The following SORCS3 variants were observed in gnomAD, a reference collection of about 807,000 sequenced individuals.
SORCS3 encodes VPS10 domain-containing receptor SorCS3.
SORCS3 carries 57 observed loss-of-function variants against 146.3 expected under a neutral mutation model. That is an observed-to-expected ratio of 0.39 (90% CI 0.31 to 0.49). The LOEUF (loss-of-function observed/expected upper bound fraction) is 0.49. Among genes scored for constraint, SORCS3 ranks in the 20% least tolerant of loss-of-function variants. The probability of loss-of-function intolerance (pLI) is 0.92; values close to 1 mark genes in which losing one functional copy is unlikely to be tolerated. For missense variants in SORCS3, 1,341 were observed against 1,575.5 expected (o/e 0.85, Z 2.52); for synonymous variants, 653 against 618.5 (o/e 1.06, Z -0.83).
At chr10:104,706,296 C>T (rs555522799) in intron 1 of SORCS3, among the ~76,000 whole-genome samples, 1 of 148,342 alleles carries the variant, frequency 6.7e-6, no homozygotes, top group East Asian at 2.0e-4. Flanking sequence ...CACCCTCTGC[C>T]TCCCGGGTTC....
At chr10:104,760,515 G>A (rs886700935) in intron 1 of SORCS3, among the ~76,000 whole-genome samples, 13 of 152,170 alleles carry the variant, frequency 8.5e-5, no homozygotes, top group African/African-American at 2.9e-4. Context: ...TTTTCTCAGA[G>A]AATACTGACT....
chr10:104,926,596 C>G (rs1317004391), intron 3 of SORCS3, among the ~76,000 whole-genome samples: 1 of 152,194 alleles, frequency 6.6e-6, no homozygotes, highest in African/African-American at 2.4e-5. Context: ...AAAGGAGAAT[C>G]AATGAGGGGG....
At chr10:104,853,371 A>G (rs1278028100) in intron 2 of SORCS3, among the ~76,000 whole-genome samples, 1 of 152,240 alleles carries the variant, frequency 6.6e-6, no homozygotes, top group African/African-American at 2.4e-5. Context: ...TCTATTCATA[A>G]AGGTTTTTGG....
chr10:105,078,176 GA>G (rs2055600985), intron 5 of SORCS3, among the ~76,000 whole-genome samples: 1 of 152,170 alleles, frequency 6.6e-6, no homozygotes, highest in African/African-American at 2.4e-5. Context: ...TTAAATGAAT[GA>G]AATCTGTTTC....
intron 1 of SORCS3, among the ~76,000 whole-genome samples, chr10:104,820,535 T>G (rs557250134): frequency 6.6e-6 from 1 of 152,338 alleles, no homozygotes; most frequent in South Asian, 2.1e-4. Context: ...AGATACTTTT[T>G]GAACACCTAC....
chr10:105,046,823 T>A (rs2055375639), intron 5 of SORCS3, among the ~76,000 whole-genome samples: 1 of 152,102 alleles, frequency 6.6e-6, no homozygotes. Context: ...CTTGTTTATA[T>A]GTGACCCTTC....
chr10:104,740,070 A>G (rs572245761), intron 1 of SORCS3, among the ~76,000 whole-genome samples: 1 of 152,298 alleles, frequency 6.6e-6, no homozygotes, highest in East Asian at 1.9e-4. Context: ...TGTTCATAGA[A>G]CGTATTTCTT....
intron 5 of SORCS3, among the ~76,000 whole-genome samples, chr10:105,050,409 G>A (rs1012547725): frequency 2.0e-5 from 3 of 152,058 alleles, no homozygotes; most frequent in African/African-American, 4.8e-5. Context: ...GTTGTTAGCT[G>A]CCTTATTGAG....
chr10:104,901,862 G>A (rs2018854491), intron 2 of SORCS3, among the ~76,000 whole-genome samples: 1 of 152,150 alleles, frequency 6.6e-6, no homozygotes, highest in Non-Finnish European at 1.5e-5. Context: ...TTGAACAGCT[G>A]AATGCTTACT....
chr10:105,169,929 A>C (rs2119535380), intron 13 of SORCS3, among the ~76,000 whole-genome samples: 1 of 152,266 alleles, frequency 6.6e-6, no homozygotes, highest in African/African-American at 2.4e-5. Flanking sequence ...CTTCCCTATA[A>C]GTCCTGGAGA....
chr10:104,727,473 G>C (rs1489183646), intron 1 of SORCS3, among the ~76,000 whole-genome samples: 1 of 150,826 alleles, frequency 6.6e-6, no homozygotes. Flanking sequence ...ATATTTCCAT[G>C]TCTTTAAAAA....
chr10:104,690,855 G>A (rs912993748), intron 1 of SORCS3, among the ~76,000 whole-genome samples: 5 of 152,174 alleles, frequency 3.3e-5, no homozygotes, highest in African/African-American at 1.2e-4. Flanking sequence ...TTCCTTTATG[G>A]AAGAGAGCCC....
At chr10:105,073,807 G>C (rs790744) in intron 5 of SORCS3, among the ~76,000 whole-genome samples, 114,175 of 152,022 alleles carry the variant, frequency 0.75, 43,041 homozygotes, top group East Asian at 0.84. Context: ...CCAGGTGGTC[G>C]CTAAAGGATT....
intron 3 of SORCS3, among the ~76,000 whole-genome samples, chr10:104,967,287 A>G (rs528497179): frequency 1.3e-5 from 2 of 152,220 alleles, no homozygotes; most frequent in Non-Finnish European, 2.9e-5. Flanking sequence ...TGCAAAATGC[A>G]TGTAAAGTGA....
intron 19 of SORCS3, among the ~76,000 whole-genome samples, chr10:105,218,679 A>G (rs188097483): frequency 6.6e-6 from 1 of 152,328 alleles, no homozygotes; most frequent in East Asian, 1.9e-4. Flanking sequence ...TTAAATGTCT[A>G]CTATTGGTCA....
At chr10:104,676,870 G>A (rs574938844) in intron 1 of SORCS3, among the ~76,000 whole-genome samples, 3 of 151,970 alleles carry the variant, frequency 2.0e-5, no homozygotes, top group African/African-American at 4.8e-5. Context: ...TCCAGTGGTC[G>A]AATGGTAGTG....
At chr10:104,767,743 C>T (rs1024139966) in intron 1 of SORCS3, among the ~76,000 whole-genome samples, 46 of 136,406 alleles carry the variant, frequency 3.4e-4, no homozygotes, top group African/African-American at 1.2e-3. Context: ...TTCCTCTCCT[C>T]GCTCTCTTTC....
chr10:105,125,176 T>C (rs1311706957), intron 7 of SORCS3, among the ~76,000 whole-genome samples: 2 of 152,290 alleles, frequency 1.3e-5, no homozygotes, highest in East Asian at 3.9e-4. Context: ...AGAAACACTC[T>C]CATTCTCACT....
chr10:105,167,233 G>A (rs770247280), intron 12 of SORCS3, 25 bp from the exon 13 acceptor site: 9 of 1,340,200 alleles, frequency 6.7e-6, no homozygotes, highest in Non-Finnish European at 9.5e-6. Flanking sequence ...TGCTATGATT[G>A]TTGTTGTTGT....
Sources: allele counts gnomAD v4.1 joint callset (sites outside exome capture counted in the v4.1 genomes callset), GRCh38; gene constraint gnomAD v4.1.1; transcripts MANE v1.5; gene names NCBI Gene and HGNC (gene_info 2026-07-23, HGNC 2026-07-21).